Variants in PRRX1 observed in about 807,000 individuals in gnomAD.
The protein encoded by PRRX1 is paired mesoderm homeobox protein 1.
PRRX1 carries 8 observed loss-of-function variants against 24.0 expected under a neutral mutation model. The observed-to-expected ratio is 0.33, with a 90% confidence interval of 0.20 to 0.60. The LOEUF (loss-of-function observed/expected upper bound fraction) is 0.60, where lower values mean the gene tolerates loss of function less well. Ranked by LOEUF, PRRX1 falls within the 20% of genes least tolerant of loss-of-function variation. PRRX1 has a pLI of 0.82. For synonymous variants in PRRX1, 160 were observed against 131.7 expected (o/e 1.22, Z -1.47); for missense variants, 281 against 322.4 (o/e 0.87, Z 0.98).
At chr1:170,710,694 T>G (rs1654717696) in intron 1 of PRRX1, among the ~76,000 whole-genome samples, 3 of 152,160 alleles carry the variant, frequency 2.0e-5, no homozygotes, top group Admixed American at 2.0e-4. Context: ...TTAGATGAGG[T>G]CACATGAGTG....
At chr1:170,693,376 T>C (rs1654058451) in intron 1 of PRRX1, among the ~76,000 whole-genome samples, 1 of 151,848 alleles carries the variant, frequency 6.6e-6, no homozygotes, top group African/African-American at 2.4e-5. Flanking sequence ...GTACTTAGGG[T>C]CAGTATGACC....
intron 1 of PRRX1, among the ~76,000 whole-genome samples, chr1:170,687,042 A>G (rs1481511710): frequency 8.3e-6 from 1 of 120,234 alleles, no homozygotes; most frequent in Non-Finnish European, 1.7e-5. Flanking sequence ...TCAGAGTACC[A>G]CAAGGTTAAA....
At position 170,736,092 on chromosome 1, in the gene PRRX1, C is replaced by T; in HGVS notation, c.644C>T (p.Ala215Val). The T allele has an allele frequency of 1.2e-6, 2 of 1,614,042 alleles. No individual in the cohort carries two copies. Among genetic ancestry groups the T allele is most frequent in the Non-Finnish European group, 1.7e-6 (2 of 1,179,908 alleles). ...GCCACATGTGCCAACAATAGCCCTG[C>T]ACAGGGCATCAACATGGCCAACAGC... ...YSATCANNSP[A>V]QGINMANSIA... The change falls in exon 4 of 4, where the codon GCA becomes GTA. Residue 215 changes from alanine to valine, a missense_variant. Physicochemically the swap from Ala to Val is moderately conservative, Grantham distance 64 (BLOSUM62 0). Transcript: ENST00000239461.
chr1:170,703,403 G>A (rs1212807862), intron 1 of PRRX1, among the ~76,000 whole-genome samples: 3 of 152,114 alleles, frequency 2.0e-5, no homozygotes, highest in Non-Finnish European at 2.9e-5. Flanking sequence ...TCCATGCAGA[G>A]CACTTAACAG....
chr1:170,689,835 TCTCC>T (rs1401705234), intron 1 of PRRX1, among the ~76,000 whole-genome samples: 1,054 of 59,550 alleles, frequency 0.018, 35 homozygotes, highest in Middle Eastern at 0.14. Flanking sequence ...TCTCTCTCTC[TCTCC>T]CTCTCTCTCT....
intron 1 of PRRX1, among the ~76,000 whole-genome samples, chr1:170,699,019 C>T (rs1234747002): frequency 6.6e-6 from 1 of 152,214 alleles, no homozygotes; most frequent in Non-Finnish European, 1.5e-5. Flanking sequence ...GTGAAGTCTG[C>T]ACTTTTGCAG....
chr1:170,669,445 A>AAAAAAAAAAAAAAAAAAAC, intron 1 of PRRX1: 1 of 145,164 alleles, frequency 6.9e-6, no homozygotes, highest in Non-Finnish European at 1.5e-5. Context: ...AAAAAAAAAA[A>AAAAAAAAAAAAAAAAAAAC]AAAAAAAAAT....
intron 1 of PRRX1, among the ~76,000 whole-genome samples, chr1:170,704,761 C>T (rs1344333433): frequency 6.6e-6 from 1 of 152,146 alleles, no homozygotes; most frequent in African/African-American, 2.4e-5. Flanking sequence ...AGACTATACC[C>T]AAAACATTTC....
chr1:170,684,753 A>T (rs1653673557), intron 1 of PRRX1, among the ~76,000 whole-genome samples: 1 of 152,212 alleles, frequency 6.6e-6, no homozygotes, highest in Non-Finnish European at 1.5e-5. Context: ...ACTCCATCTC[A>T]CACACACAAA....
At chr1:170,712,824 T>G (rs78262449) in intron 1 of PRRX1, among the ~76,000 whole-genome samples, 1 of 152,178 alleles carries the variant, frequency 6.6e-6, no homozygotes, top group African/African-American at 2.4e-5. Flanking sequence ...GCTGGTTTAC[T>G]TTCTACTCCA....
intron 2 of PRRX1, among the ~76,000 whole-genome samples, chr1:170,722,313 A>G (rs2101919445): frequency 6.6e-6 from 1 of 152,314 alleles, no homozygotes; most frequent in South Asian, 2.1e-4. Context: ...AGGACTGAGG[A>G]GGCCTCTTGG....
intron 1 of PRRX1, among the ~76,000 whole-genome samples, chr1:170,703,563 A>C (rs1383896151): frequency 1.3e-5 from 2 of 152,168 alleles, no homozygotes; most frequent in African/African-American, 4.8e-5. Flanking sequence ...CTGTCTTCAC[A>C]GAGTTTATAA....
rs1381914812 is a variant in PRRX1 at position 170,736,084 on chromosome 1, T to C, written c.636T>C (p.Asn212=). 6.2e-7 allele frequency: 1 copy of C among 1,614,088 alleles called. No homozygotes were observed. Among genetic ancestry groups the C allele is most frequent in the Non-Finnish European group, 8.5e-7 (1 of 1,179,946 alleles). ...CTTATTCTGCCACATGTGCCAACAA[T>C]AGCCCTGCACAGGGCATCAACATGG... ...MATYSATCAN[N]SPAQGINMAN... Residue 212 remains asparagine (N), a synonymous_variant, in exon 4 of 4, where the codon AAT becomes AAC. Transcript: ENST00000239461.
At chr1:170,721,512 G>A (rs12141830) in intron 2 of PRRX1, among the ~76,000 whole-genome samples, 7,172 of 152,210 alleles carry the variant, frequency 0.047, 248 homozygotes, top group Middle Eastern at 0.13. Flanking sequence ...TGAAGAGAAA[G>A]TGTGAACGCT....
intron 2 of PRRX1, chr1:170,722,650 C>G (rs1209153759): frequency 6.6e-6 from 1 of 152,062 alleles, no homozygotes; most frequent in South Asian, 2.1e-4. Flanking sequence ...AATTCTGGGC[C>G]AATTCTCAAA....
At chr1:170,689,439 AG>A (rs554351661) in intron 1 of PRRX1, among the ~76,000 whole-genome samples, 90 of 152,284 alleles carry the variant, frequency 5.9e-4, no homozygotes, top group African/African-American at 2.1e-3. Flanking sequence ...TTAGTAGAAA[AG>A]GTTTTAAATC....
At chr1:170,730,297 GT>G in intron 3 of PRRX1, 1 of 1,611,980 alleles carries the variant, frequency 6.2e-7, no homozygotes, top group Non-Finnish European at 8.5e-7. Context: ...CTCCCAAGAT[GT>G]TGTTTACACG....
chr1:170,674,588 AT>A (rs1384143791), intron 1 of PRRX1, among the ~76,000 whole-genome samples: 1 of 152,006 alleles, frequency 6.6e-6, no homozygotes, highest in Non-Finnish European at 1.5e-5. Context: ...GATTATCTAG[AT>A]TTTTTTAAGA....
chr1:170,697,096 C>A (rs1027918443), intron 1 of PRRX1, among the ~76,000 whole-genome samples: 1 of 152,100 alleles, frequency 6.6e-6, no homozygotes. Flanking sequence ...AGAGCCACTT[C>A]TTAAATACAC....
Sources: allele counts gnomAD v4.1 joint callset (sites outside exome capture counted in the v4.1 genomes callset), GRCh38; gene constraint gnomAD v4.1.1; transcripts MANE v1.5; gene names NCBI Gene and HGNC (gene_info 2026-07-23, HGNC 2026-07-21).